The following TENM2 variants were observed in gnomAD, a reference collection of about 807,000 sequenced individuals.
TENM2 encodes the protein teneurin-2.
In TENM2, 52 loss-of-function variants were observed where a neutral mutation model predicts 245.2. That is an observed-to-expected ratio of 0.21 (90% CI 0.17 to 0.27). TENM2 has a LOEUF of 0.27. TENM2 is among the 10% of genes least tolerant of loss of function. The probability of loss-of-function intolerance (pLI) is 1.00; values close to 1 mark genes in which losing one functional copy is unlikely to be tolerated. For missense variants in TENM2, 3,046 were observed against 3,666.8 expected (o/e 0.83, Z 4.37); for synonymous variants, 1,363 against 1,438.9 (o/e 0.95, Z 1.19).
chr5:167,275,697 T>C, the TENM2 span, among the ~76,000 whole-genome samples: 1 of 152,096 alleles, frequency 6.6e-6, no homozygotes, highest in African/African-American at 2.4e-5. Flanking sequence ...TTTTTACATT[T>C]TTATCTTATA....
At chr5:167,996,242 C>T (rs2152024784) in intron 5 of TENM2, among the ~76,000 whole-genome samples, 1 of 152,226 alleles carries the variant, frequency 6.6e-6, no homozygotes, top group African/African-American at 2.4e-5. Flanking sequence ...CTAGATGACC[C>T]AGGTCTTTAC....
chr5:168,263,230 G>C, downstream of TENM2: 1 of 159,580 alleles, frequency 6.3e-6, no homozygotes, highest in Non-Finnish European at 1.4e-5. Flanking sequence ...AAGAAGCGAA[G>C]ATAAGAAAGA....
chr5:167,493,913 G>A (rs1422512104), intron 2 of TENM2, among the ~76,000 whole-genome samples: 1 of 152,112 alleles, frequency 6.6e-6, no homozygotes, highest in Non-Finnish European at 1.5e-5. Context: ...CATGGGTGTA[G>A]CATGTGCGGT....
chr5:167,796,552 A>ATC (rs1765334615), intron 2 of TENM2, among the ~76,000 whole-genome samples: 1 of 151,942 alleles, frequency 6.6e-6, no homozygotes, highest in African/African-American at 2.4e-5. Context: ...CAATTCTCCC[A>ATC]TTTATACACT....
chr5:167,678,381 C>T (rs1194998918), intron 2 of TENM2, among the ~76,000 whole-genome samples: 1 of 152,058 alleles, frequency 6.6e-6, no homozygotes, highest in East Asian at 1.9e-4. Context: ...CTTATATACT[C>T]AATGCAGGGC....
the TENM2 span, among the ~76,000 whole-genome samples, chr5:167,008,084 A>T: frequency 6.6e-6 from 1 of 152,104 alleles, no homozygotes; most frequent in South Asian, 2.1e-4. Context: ...AACACTTCAA[A>T]ATAAATCATT....
intron 5 of TENM2, among the ~76,000 whole-genome samples, chr5:168,042,317 C>T (rs1012593867): frequency 1.3e-5 from 2 of 152,128 alleles, no homozygotes; most frequent in African/African-American, 4.8e-5. Flanking sequence ...AAAGACACCC[C>T]CTGCTCCTGG....
chr5:167,370,608 T>C (rs960586742), intron 1 of TENM2, among the ~76,000 whole-genome samples: 1 of 152,252 alleles, frequency 6.6e-6, no homozygotes, highest in Non-Finnish European at 1.5e-5. Context: ...CTGGCCTTGA[T>C]AATGTACCAT....
In TENM2 at chr5:168,227,133, C is replaced by A. The variant is rs1562305693; in HGVS notation, c.5285-762C>A. On this transcript the variant is annotated intron_variant, in intron 24 of 28. Coordinates refer to ENST00000518659, the Ensembl canonical transcript of TENM2. ...AGGCCAGCCCAGGCCAGCTCCTTTG[C>A]CCAGACAGTCAGGAAGCAGTGTATC... Among the ~76,000 whole-genome samples, 3 of 152,148 alleles carry A rather than the reference C, an allele frequency of 2.0e-5. No homozygotes were observed. In the South Asian group the frequency reaches 6.2e-4, roughly 31 times the overall value.
At chr5:167,378,880 T>C (rs1026334685) in intron 2 of TENM2, among the ~76,000 whole-genome samples, 18 of 140,748 alleles carry the variant, frequency 1.3e-4, no homozygotes, top group Non-Finnish European at 2.8e-4. Context: ...TTTTTTTTTT[T>C]CCTTCCAGCA....
chr5:167,388,693 T>G (rs1200563820), intron 2 of TENM2, among the ~76,000 whole-genome samples: 1 of 152,122 alleles, frequency 6.6e-6, no homozygotes, highest in African/African-American at 2.4e-5. Context: ...GAGGTTTTGA[T>G]AGGTTGTGTC....
intron 13 of TENM2, among the ~76,000 whole-genome samples, chr5:168,168,433 A>G (rs111433145): frequency 0.02 from 3,077 of 152,268 alleles, 123 homozygotes; most frequent in African/African-American, 0.069. Flanking sequence ...TAATCCTAAC[A>G]CTTTGGGAGA....
chr5:167,925,080 A>T (rs150082260), intron 3 of TENM2, among the ~76,000 whole-genome samples: 1 of 152,212 alleles, frequency 6.6e-6, no homozygotes, highest in Non-Finnish European at 1.5e-5. Flanking sequence ...GTGAATGTTC[A>T]TGGCAGGTTT....
At chr5:168,056,577 A>T (rs10866621) in intron 6 of TENM2, among the ~76,000 whole-genome samples, 53,919 of 151,988 alleles carry the variant, frequency 0.35, 10,484 homozygotes, top group African/African-American at 0.5. Flanking sequence ...TTAGCTGTCC[A>T]AATGTTATAG....
intron 2 of TENM2, among the ~76,000 whole-genome samples, chr5:167,634,800 C>G (rs902832717): frequency 1.3e-5 from 2 of 152,032 alleles, no homozygotes; most frequent in Non-Finnish European, 2.9e-5. Flanking sequence ...CCTCAAAAAC[C>G]TTTTCTTTAC....
chr5:167,731,196 G>A (rs891360277), intron 2 of TENM2, among the ~76,000 whole-genome samples: 26 of 80,368 alleles, frequency 3.2e-4, no homozygotes, highest in Non-Finnish European at 3.3e-4. Flanking sequence ...CTACCCTCCA[G>A]ACAGTTTTTT....
At chr5:167,130,358 G>A in the TENM2 span, among the ~76,000 whole-genome samples, 1 of 152,180 alleles carries the variant, frequency 6.6e-6, no homozygotes, top group Non-Finnish European at 1.5e-5. Context: ...AACACATATA[G>A]TGTTGACTAT....
the TENM2 span, among the ~76,000 whole-genome samples, chr5:166,993,261 A>G: frequency 6.6e-6 from 1 of 152,092 alleles, no homozygotes. Flanking sequence ...TATTTTATGG[A>G]TATTTTGCAA....
At chr5:167,229,813 T>C in the TENM2 span, among the ~76,000 whole-genome samples, 2 of 152,178 alleles carry the variant, frequency 1.3e-5, no homozygotes, top group African/African-American at 4.8e-5. Flanking sequence ...CAGGGAATGC[T>C]CACGTGTAAG....
Sources: gnomAD v4.1 joint callset for allele counts (sites outside exome capture counted in the v4.1 genomes callset) on GRCh38, gnomAD v4.1.1 for gene constraint, MANE v1.5 for transcripts, NCBI Gene and HGNC (gene_info 2026-07-23, HGNC 2026-07-21) for gene names.